Variants in SMCHD1 observed in about 807,000 individuals in gnomAD.
The protein encoded by SMCHD1 is structural maintenance of chromosomes flexible hinge domain containing 1.
A neutral mutation model predicts 254.7 loss-of-function variants in SMCHD1; 78 were observed. The observed-to-expected ratio is 0.31, with a 90% confidence interval of 0.26 to 0.37. The LOEUF (loss-of-function observed/expected upper bound fraction) is 0.37. Ranked by LOEUF, SMCHD1 falls within the 10% of genes least tolerant of loss-of-function variation. The pLI, the probability that SMCHD1 is intolerant of heterozygous loss-of-function variation, is 1.00. For synonymous variants in SMCHD1, 766 were observed against 794.9 expected, an observed-to-expected ratio of 0.96 and a Z score of 0.61; for missense variants, 1,840 against 2,408.1, an observed-to-expected ratio of 0.76 and a Z score of 4.94.
chr18:2,685,980 A>G (rs2074042536), intron 5 of SMCHD1, among the ~76,000 whole-genome samples: 1 of 152,106 alleles, frequency 6.6e-6, no homozygotes, highest in South Asian at 2.1e-4. Context: ...TATTTACCAT[A>G]TTTACTAGAG....
At chr18:2,665,513 G>A (rs1312620955) in intron 1 of SMCHD1, among the ~76,000 whole-genome samples, 1 of 152,036 alleles carries the variant, frequency 6.6e-6, no homozygotes, top group African/African-American at 2.4e-5. Flanking sequence ...TAGAGACAGG[G>A]TTTCACCATG....
intron 39 of SMCHD1, among the ~76,000 whole-genome samples, 161 bp from the exon 40 acceptor site, chr18:2,771,372 T>C (rs956082264): frequency 7.9e-5 from 12 of 152,206 alleles, no homozygotes; most frequent in African/African-American, 2.9e-4. Context: ...AGCCTTAAGA[T>C]GTATAGTTTA....
At chr18:2,761,479 G>T (rs1195172705) in intron 35 of SMCHD1, among the ~76,000 whole-genome samples, 4 of 152,120 alleles carry the variant, frequency 2.6e-5, no homozygotes, top group Non-Finnish European at 5.9e-5. Context: ...TAGAATTCTG[G>T]ATAGTGATGT....
chr18:2,792,164 A>G (rs1417516672), intron 45 of SMCHD1, among the ~76,000 whole-genome samples: 2 of 152,226 alleles, frequency 1.3e-5, no homozygotes, highest in East Asian at 1.9e-4. Flanking sequence ...AAAAACAGCA[A>G]TACTGTCATG....
At chr18:2,706,273 A>G (rs2074511146) in intron 14 of SMCHD1, 91 bp from the exon 15 acceptor site, 2 of 806,220 alleles carry the variant, frequency 2.5e-6, no homozygotes, top group Non-Finnish European at 3.9e-6. Context: ...GATAAAATAT[A>G]TTTCTTTGGA....
chr18:2,772,412 A>G (rs1315484113), intron 41 of SMCHD1, 40 bp downstream of exon 41: 2 of 1,468,244 alleles, frequency 1.4e-6, no homozygotes, highest in South Asian at 2.9e-5. Context: ...AGTACATTTT[A>G]TTATCTTGTT....
chr18:2,790,962 A>G (rs2076309946), intron 45 of SMCHD1, among the ~76,000 whole-genome samples: 2 of 152,222 alleles, frequency 1.3e-5, no homozygotes, highest in South Asian at 4.1e-4. Flanking sequence ...AGGAAATAAA[A>G]TGGTAACTAT....
chr18:2,722,513 T>C lies in SMCHD1; in HGVS notation c.2459-6T>C. The C allele has an allele frequency of 6.2e-7, 1 of 1,605,076 alleles. No homozygotes were observed. Among genetic ancestry groups the C allele is most frequent in the Admixed American group, 1.7e-5 (1 of 58,320 alleles). On this transcript the variant is annotated splice_region_variant and splice_polypyrimidine_tract_variant and intron_variant, in intron 19 of 47. Coordinates refer to ENST00000320876, the MANE Select transcript of SMCHD1 (RefSeq NM_015295.3). ...GCTTTTCATTTCATTTTTGTTTTTG[T>C]TAAAGAGGGTAAGCCAGAGAAATTT... is the stretch of plus-strand genomic sequence containing the variant.
chr18:2,764,037 C>T (rs1265736378), intron 37 of SMCHD1: 2 of 358,750 alleles, frequency 5.6e-6, no homozygotes, highest in Non-Finnish European at 5.0e-6. Flanking sequence ...ACTTTAGTGA[C>T]AGTACGTGAT....
At chr18:2,784,671 TA>T in intron 45 of SMCHD1, 50 bp downstream of exon 45, 1 of 1,470,978 alleles carries the variant, frequency 6.8e-7, no homozygotes, top group South Asian at 1.4e-5. Flanking sequence ...ATTTTACTCT[TA>T]TTTTTCTAAG....
intron 3 of SMCHD1, among the ~76,000 whole-genome samples, chr18:2,667,610 CATT>C (rs1030771527): frequency 1.2e-4 from 19 of 152,052 alleles, no homozygotes; most frequent in Non-Finnish European, 1.8e-4. Flanking sequence ...ATTTTTTTCT[CATT>C]ATATGTGTAT....
chr18:2,703,712 CAG>C lies in SMCHD1; in HGVS notation c.1672_1673del (p.Glu558IlefsTer10), dbSNP rs1568183325. ...NGQEQRMKID[R>X]EFALWLKDCH... ...TACAGGAACAGCGAATGAAAATTGA[CAG>C]AGAATTTGCTTTGTGGCTGAAGGAC... is the stretch of plus-strand genomic sequence containing the variant. On this transcript the variant is annotated frameshift_variant, in exon 13 of 48. Transcript: ENST00000320876. LOFTEE classifies it high-confidence loss of function. 6.2e-7 allele frequency: 1 copy of C among 1,607,018 alleles called. No homozygotes were observed. Among genetic ancestry groups the C allele is most frequent in the Non-Finnish European group, 8.5e-7 (1 of 1,177,538 alleles).
chr18:2,726,322 G>T (rs2075026529), intron 21 of SMCHD1, 130 bp from the exon 22 acceptor site: 1 of 488,032 alleles, frequency 2.0e-6, no homozygotes. Context: ...ATTTTAGTAA[G>T]TATAAAGTTG....
chr18:2,674,160 C>CTTTTT lies in SMCHD1; in HGVS notation c.638+23_638+27dup. The CTTTTT allele has an allele frequency of 7.9e-7, 1 of 1,258,018 alleles. No homozygotes were observed. Among genetic ancestry groups the CTTTTT allele is most frequent in the South Asian group, 1.6e-5 (1 of 64,076 alleles). 77.9% of individuals were successfully genotyped at this position (1,258,018 alleles called of 1,614,324 possible). A position where few individuals can be genotyped will look rare whatever the true frequency, so the allele number is the denominator to read the frequency against. ...GACTTTGAAAGGTTAGAAAACCTTA[C>CTTTTT]TTTTTTTTTTTTGTGGGTAGCTATG... On this transcript the variant is annotated intron_variant, in intron 5 of 47. Transcript: ENST00000320876.
intron 5 of SMCHD1, among the ~76,000 whole-genome samples, chr18:2,675,699 A>G (rs544176790): frequency 2.0e-5 from 3 of 152,302 alleles, no homozygotes; most frequent in Admixed American, 6.5e-5. Context: ...TCACAGAAGT[A>G]TTAGGTGGAA....
At chr18:2,782,921 G>T (rs905099451) in intron 44 of SMCHD1, among the ~76,000 whole-genome samples, 2 of 151,974 alleles carry the variant, frequency 1.3e-5, no homozygotes, top group Admixed American at 1.3e-4. Flanking sequence ...GTTATTTCTT[G>T]TAAAAACAAA....
chr18:2,772,503 C>G (rs1354009607), intron 41 of SMCHD1, 131 bp downstream of exon 41: 4 of 687,584 alleles, frequency 5.8e-6, no homozygotes, highest in Non-Finnish European at 8.7e-6. Context: ...AGTACCTGCT[C>G]TCATTATTGC....
At chr18:2,785,647 CAAAAAAAAA>C (rs1555656125) in intron 45 of SMCHD1, among the ~76,000 whole-genome samples, 1,226 of 12,678 alleles carry the variant, frequency 0.097, 35 homozygotes, top group Middle Eastern at 0.25. Context: ...GACTCTGTCT[CAAAAAAAAA>C]AAAAAAAAAA....
chr18:2,724,811 T>C (rs2074993711), intron 20 of SMCHD1, 88 bp from the exon 21 acceptor site: 1 of 517,718 alleles, frequency 1.9e-6, no homozygotes, highest in Non-Finnish European at 3.3e-6. Context: ...AAACTAGACA[T>C]GCCAATGTCA....
Sources: allele counts gnomAD v4.1 joint callset (sites outside exome capture counted in the v4.1 genomes callset), GRCh38; gene constraint gnomAD v4.1.1; transcripts MANE v1.5; gene names NCBI Gene and HGNC (gene_info 2026-07-23, HGNC 2026-07-21).